EPC1: variants seen among roughly 807,000 people sequenced by gnomAD.
The protein encoded by EPC1 is enhancer of polycomb homolog 1.
In EPC1, 12 loss-of-function variants were observed where a neutral mutation model predicts 98.4. The observed-to-expected ratio is 0.12, with a 90% CI of 0.08 to 0.20. The LOEUF is 0.20. Ranked by LOEUF, EPC1 falls within the 10% of genes least tolerant of loss-of-function variation. The probability of loss-of-function intolerance (pLI) is 1.00; values close to 1 mark genes in which losing one functional copy is unlikely to be tolerated. For missense variants in EPC1, 729 were observed against 990.5 expected (o/e 0.74, Z 3.54); for synonymous variants, 357 against 363.9 (o/e 0.98, Z 0.21).
chr10:32,304,398 T>C (rs1258701540), intron 2 of EPC1, among the ~76,000 whole-genome samples: 1 of 152,210 alleles, frequency 6.6e-6, no homozygotes, highest in Non-Finnish European at 1.5e-5. Context: ...ATCAGATCCT[T>C]AGCTTTCAAA....
Position 32,320,191 on chromosome 10 carries a change from G to GTT in EPC1, c.154-14262_154-14261dup, listed in dbSNP as rs374061587. Reference sequence around the variant, plus strand: ...GTAAAATTACTTCCAAATAATGGTTGTTTTTTTTTTTTAAATAAAGCTAAG... The same window carrying GTT: ...GTAAAATTACTTCCAAATAATGGTTGTTTTTTTTTTTTTTAAATAAAGCTAAG... On this transcript the variant is annotated intron_variant, in intron 1 of 13. Transcript: ENST00000319778. 1.6e-3 allele frequency among the ~76,000 whole-genome samples: 237 copies of GTT among 145,354 alleles called. 1 individual carries two copies. The highest frequency in any genetic ancestry group is 5.0e-3 in the African/African-American group (200 of 39,786).
chr10:32,375,167 T>G (rs773173281), intron 1 of EPC1, among the ~76,000 whole-genome samples: 18 of 152,074 alleles, frequency 1.2e-4, no homozygotes, highest in Non-Finnish European at 1.8e-4. Flanking sequence ...TAAATATGCA[T>G]GAGAAGTGGG....
At chr10:32,301,038 ATATCTATCTATCTATCTATC>A (rs145962262) in intron 2 of EPC1, among the ~76,000 whole-genome samples, 88 of 143,106 alleles carry the variant, frequency 6.1e-4, no homozygotes, top group East Asian at 3.8e-3. Context: ...AAGCACATTT[ATATCTATCTATCTATCTATC>A]TATCTATCTA....
intron 1 of EPC1, among the ~76,000 whole-genome samples, chr10:32,309,493 C>CTTTTTTTTTTTTTT (rs67775039): frequency 7.0e-6 from 1 of 142,440 alleles, no homozygotes; most frequent in African/African-American, 2.6e-5. Flanking sequence ...TATTTTCAAG[C>CTTTTTTTTTTTTTT]TTTTTTTTTT....
At chr10:32,337,426 G>A (rs1328940070) in intron 1 of EPC1, among the ~76,000 whole-genome samples, 1 of 152,178 alleles carries the variant, frequency 6.6e-6, no homozygotes, top group African/African-American at 2.4e-5. Context: ...CACTCGAAGG[G>A]ACACCCTGTG....
chr10:32,329,136 CTA>C (rs1211612323), intron 1 of EPC1, among the ~76,000 whole-genome samples: 23 of 152,180 alleles, frequency 1.5e-4, no homozygotes, highest in Admixed American at 1.4e-3. Context: ...TTAGATGCAG[CTA>C]TGTTTCTTGT....
intron 1 of EPC1, among the ~76,000 whole-genome samples, chr10:32,337,788 A>C (rs1292430374): frequency 6.6e-6 from 1 of 150,930 alleles, no homozygotes; most frequent in Non-Finnish European, 1.5e-5. Flanking sequence ...CCCCTTTTTC[A>C]TCTTCTATTA....
intron 1 of EPC1, among the ~76,000 whole-genome samples, chr10:32,332,228 G>A: frequency 6.6e-6 from 1 of 152,174 alleles, no homozygotes; most frequent in South Asian, 2.1e-4. Context: ...ACAGCAAACA[G>A]GTTTGTTGAA....
intron 1 of EPC1, among the ~76,000 whole-genome samples, chr10:32,321,352 G>T (rs1474000803): frequency 6.7e-5 from 10 of 150,082 alleles, no homozygotes; most frequent in Non-Finnish European, 1.3e-4. Context: ...ATATAGATCT[G>T]TTTTTTTTTC....
chr10:32,273,426 A>C, intron 10 of EPC1, 145 bp from the exon 11 acceptor site: 1 of 1,076,160 alleles, frequency 9.3e-7, no homozygotes, highest in Non-Finnish European at 1.3e-6. Flanking sequence ...ATCACTTCCA[A>C]ATGAAAATTT....
chr10:32,271,757 T>C lies in EPC1; in HGVS notation c.2166A>G (p.Ala722=). ...LSHQVTAANS[A]TTQVLIGNNI... is the part of the protein sequence containing the mutation. ...TGTTCCCAATCAGAACCTGAGTTGT[T>C]GCAGAATTGGCAGCAGTTACTTGAT... The change falls in exon 13 of 14, where the codon GCA becomes GCG. Residue 722 remains alanine, a synonymous_variant. Coordinates refer to ENST00000319778, the MANE Select transcript of EPC1 (RefSeq NM_001272004.3). The C allele has an allele frequency of 6.2e-7, 1 of 1,614,190 alleles. No individual in the cohort carries two copies. Among genetic ancestry groups the C allele is most frequent in the Non-Finnish European group, 8.5e-7 (1 of 1,180,026 alleles).
At chr10:32,347,835 C>T (rs1325825804), upstream of EPC1, among the ~76,000 whole-genome samples, 1 of 152,160 alleles carries the variant, frequency 6.6e-6, no homozygotes, top group African/African-American at 2.4e-5. Context: ...TTATAGGCAC[C>T]GCATCAAGTC....
At chr10:32,346,518 C>T in intron 1 of EPC1, 2 of 511,242 alleles carry the variant, frequency 3.9e-6, no homozygotes, top group Non-Finnish European at 7.0e-6. Context: ...TTCGGGCCCC[C>T]GAACTCCGCG....
At chr10:32,291,458 T>C in intron 5 of EPC1, 136 bp from the exon 6 acceptor site, 1 of 675,996 alleles carries the variant, frequency 1.5e-6, no homozygotes, top group Non-Finnish European at 2.4e-6. Context: ...CATAATTACC[T>C]TGTGTGTATA....
At chr10:32,315,799 G>T (rs953867639) in intron 1 of EPC1, among the ~76,000 whole-genome samples, 7 of 152,112 alleles carry the variant, frequency 4.6e-5, no homozygotes, top group Non-Finnish European at 8.8e-5. Flanking sequence ...CCTCTAACTG[G>T]TTCCCTGCCT....
At chr10:32,279,810 A>G (rs1836303036) in intron 10 of EPC1, among the ~76,000 whole-genome samples, 1 of 152,202 alleles carries the variant, frequency 6.6e-6, no homozygotes, top group Non-Finnish European at 1.5e-5. Flanking sequence ...GTATTAAAAA[A>G]ACAACTGTAT....
intron 1 of EPC1, chr10:32,345,747 C>A: frequency 2.7e-6 from 1 of 364,680 alleles, no homozygotes; most frequent in Non-Finnish European, 3.8e-6. Context: ...GAAACCCACC[C>A]AATTTAGACA....
In EPC1 at chr10:32,299,125, CTCTT is replaced by C. The variant is rs1411186885; in HGVS notation, c.314-5392_314-5389del. Reference sequence around the variant, plus strand: ...TGTGCACTTTCATTATGCAGGCTCACTCTTTATTTTTTCATTTTCGAAGCCATAG... The same window carrying C: ...TGTGCACTTTCATTATGCAGGCTCACTATTTTTTCATTTTCGAAGCCATAG... On this transcript the variant is annotated intron_variant, in intron 2 of 13. Transcript: ENST00000319778. Among the ~76,000 whole-genome samples, 3 of 152,272 alleles carry C rather than the reference CTCTT, an allele frequency of 2.0e-5. No individual in the cohort carries two copies. The East Asian group carries it at 5.8e-4, about 29-fold the overall frequency.
intron 1 of EPC1, among the ~76,000 whole-genome samples, chr10:32,329,235 G>A (rs527324504): frequency 6.6e-6 from 1 of 152,246 alleles, no homozygotes; most frequent in South Asian, 2.1e-4. Flanking sequence ...CATTTCCAGC[G>A]CTCTCTTTCC....
Sources: gnomAD v4.1 joint callset for allele counts (sites outside exome capture counted in the v4.1 genomes callset) on GRCh38, gnomAD v4.1.1 for gene constraint, MANE v1.5 for transcripts, NCBI Gene and HGNC (gene_info 2026-07-23, HGNC 2026-07-21) for gene names.